The following CNEP1R1 variants were observed in gnomAD, a reference collection of about 807,000 sequenced individuals.
CNEP1R1 encodes the protein CTD nuclear envelope phosphatase 1 regulatory subunit 1.
CNEP1R1 carries 10 observed loss-of-function variants against 22.7 expected under a neutral mutation model. The observed-to-expected ratio is 0.44, with a 90% CI of 0.27 to 0.75. The LOEUF is 0.75. Ranked by LOEUF, CNEP1R1 falls within the 30% of genes least tolerant of loss-of-function variation. The pLI is 0.17. For synonymous variants in CNEP1R1, 53 were observed against 50.1 expected (o/e 1.06, Z -0.25); for missense variants, 73 against 151.5 (o/e 0.48, Z 2.72).
intron 3 of CNEP1R1, among the ~76,000 whole-genome samples, chr16:50,032,664 G>A (rs893180986): frequency 1.3e-5 from 2 of 152,184 alleles, no homozygotes; most frequent in Non-Finnish European, 1.5e-5. Flanking sequence ...ACTGGGATCA[G>A]GTTATGAATG....
At chr16:50,026,698 G>A (rs2036186959) in intron 2 of CNEP1R1, 1 of 480,470 alleles carries the variant, frequency 2.1e-6, no homozygotes, top group South Asian at 2.4e-5. Context: ...TTTTTGGCCA[G>A]GCGCCGTAGC....
intron 2 of CNEP1R1, 46 bp from the exon 3 acceptor site, chr16:50,029,679 A>G (rs1451372446): frequency 7.1e-6 from 8 of 1,130,624 alleles, no homozygotes; most frequent in East Asian, 4.7e-5. Flanking sequence ...AGTATCACAT[A>G]TTAAGTATGT....
intron 1 of CNEP1R1, 192 bp downstream of exon 1, chr16:50,025,532 C>A (rs2036172895): frequency 1.8e-6 from 2 of 1,120,100 alleles, no homozygotes; most frequent in South Asian, 1.4e-5. Flanking sequence ...CTCCCTGAGT[C>A]CCCACAAACC....
rs780166468 is a variant in CNEP1R1 at position 50,035,808 on chromosome 16, T to G, written c.*350T>G. ...CAAACTACTGTAAATAGCAAATCAA[T>G]GCCAATGTTAAACAAAGAGGAAAAC... On this transcript the variant is annotated 3_prime_UTR_variant, in exon 6 of 6. Coordinates refer to ENST00000427478, the MANE Select transcript of CNEP1R1 (RefSeq NM_001281789.2). 2.5e-4 allele frequency: 47 copies of G among 187,908 alleles called. No homozygotes were observed. The highest frequency in any genetic ancestry group is 3.8e-4 in the Non-Finnish European group (35 of 91,326). The allele number at this position is 187,908 out of a possible 1,614,324, so 11.6% of individuals were successfully genotyped here. A position where few individuals can be genotyped will look rare whatever the true frequency, so the allele number is the denominator to read the frequency against.
At position 50,035,821 on chromosome 16, in the gene CNEP1R1, CAA is replaced by C. The variant is rs771672060; in HGVS notation, c.*365_*366del. On this transcript the variant is annotated 3_prime_UTR_variant, in exon 6 of 6. Coordinates refer to ENST00000427478, the MANE Select transcript of CNEP1R1 (RefSeq NM_001281789.2). ...ATAGCAAATCAATGCCAATGTTAAA[CAA>C]AGAGGAAAACGTTGTGTGGACTTTG... 2.3e-5 allele frequency: 4 copies of C among 175,564 alleles called. No homozygotes were observed. The highest frequency in any genetic ancestry group is 1.6e-4 in the East Asian group (1 of 6,394). The allele number at this position is 175,564 out of a possible 1,614,324, so 10.9% of individuals were successfully genotyped here. A position where few individuals can be genotyped will look rare whatever the true frequency, so the allele number is the denominator to read the frequency against.
chr16:50,029,780 A>C lies in CNEP1R1; in HGVS notation c.153A>C (p.Ile51=). The C allele has an allele frequency of 6.2e-7, 1 of 1,602,476 alleles. No homozygotes were observed. The highest frequency in any genetic ancestry group is 8.5e-7 in the Non-Finnish European group (1 of 1,170,062). ...CTATGAWNWL[I]DPETQKVSFF... ...CTACTGGTGCCTGGAACTGGTTAAT[A>C]GACCCTGAGACACAAAAGGTAGAAG... The change falls in exon 3 of 6, where the codon ATA becomes ATC. Residue 51 remains isoleucine, a synonymous_variant. Transcript: ENST00000427478.
chr16:50,026,494 G>C, intron 2 of CNEP1R1, 27 bp downstream of exon 2: 1 of 1,495,654 alleles, frequency 6.7e-7, no homozygotes, highest in South Asian at 1.2e-5. Flanking sequence ...TATTTTAAGG[G>C]AAAACTAACA....
At chr16:50,025,623 G>A (rs748478821) in intron 1 of CNEP1R1, 2 of 1,605,380 alleles carry the variant, frequency 1.2e-6, no homozygotes, top group Non-Finnish European at 1.7e-6. Flanking sequence ...ATTGCAGCCT[G>A]CTAATTCATT....
At chr16:50,026,005 C>A (rs2036179550) in intron 1 of CNEP1R1, among the ~76,000 whole-genome samples, 1 of 152,224 alleles carries the variant, frequency 6.6e-6, no homozygotes, top group South Asian at 2.1e-4. Context: ...ATGTTAGGCA[C>A]TACGTGGTTC....
At position 50,033,526 on chromosome 16, in the gene CNEP1R1, A is replaced by G. The variant is rs748365662; in HGVS notation, c.281+20A>G. Reference sequence around the variant, plus strand: ...ATCAATGTATCCTTTACCAAGGATTAAATTCCATTCTCTGAAGTGCTTTGT... The same window carrying G: ...ATCAATGTATCCTTTACCAAGGATTGAATTCCATTCTCTGAAGTGCTTTGT... On this transcript the variant is annotated intron_variant, in intron 4 of 5. Transcript: ENST00000427478. The G allele has an allele frequency of 7.8e-6, 10 of 1,289,006 alleles. No homozygotes were observed. Among genetic ancestry groups the G allele is most frequent in the Non-Finnish European group, 1.1e-5 (10 of 892,710 alleles). 79.8% of individuals were successfully genotyped at this position (1,289,006 alleles called of 1,614,324 possible). A position where few individuals can be genotyped will look rare whatever the true frequency, so the allele number is the denominator to read the frequency against.
rs569209008 is a variant in CNEP1R1 at position 50,026,377 on chromosome 16, T to C, written c.26-19T>C. ...CGAGTAAGAGTGGCTAATTAGAAAA[T>C]TGACATCTTTATACCTAGATCTCAA... is the stretch of plus-strand genomic sequence containing the variant. On this transcript the variant is annotated intron_variant, in intron 1 of 5. Coordinates refer to ENST00000427478, the MANE Select transcript of CNEP1R1 (RefSeq NM_001281789.2). 6 of 1,580,342 alleles carry C rather than the reference T, an allele frequency of 3.8e-6. No individual in the cohort carries two copies. The highest frequency in any genetic ancestry group is 2.3e-5 in the South Asian group (2 of 87,834).
chr16:50,035,457 G>T lies in CNEP1R1; in HGVS notation c.377G>T (p.Ter126LeuextTer33). Residue 126 changes from the stop codon to leucine, a stop_lost, in exon 6 of 6, where the codon TGA becomes TTA. Transcript: ENST00000427478. ...LILKPRPHVQ[*>L] ...TTGAAACCTAGGCCTCATGTTCAATGACAATCTTCACTCATTGTTATGGGA... is the reference window on the plus strand; with the variant it reads ...TTGAAACCTAGGCCTCATGTTCAATTACAATCTTCACTCATTGTTATGGGA... The T allele has an allele frequency of 6.3e-7, 1 of 1,580,062 alleles. No individual in the cohort carries two copies. Among genetic ancestry groups the T allele is most frequent in the South Asian group, 1.1e-5 (1 of 87,072 alleles).
intron 5 of CNEP1R1, 74 bp downstream of exon 5, chr16:50,034,230 C>T: frequency 2.3e-6 from 2 of 887,246 alleles, no homozygotes; most frequent in South Asian, 1.4e-5. Context: ...GAAAGGTAGA[C>T]ATTTTATTAG....
At position 50,033,578 on chromosome 16, in the gene CNEP1R1, C is replaced by T; in HGVS notation, c.281+72C>T. On this transcript the variant is annotated intron_variant, in intron 4 of 5. Coordinates refer to ENST00000427478, the MANE Select transcript of CNEP1R1 (RefSeq NM_001281789.2). ...GATCTAGGTAATGGTTAAAAGCTTA[C>T]TCTTGCCGGGCGTGGTGGCTCACGC... 8.5e-6 allele frequency: 7 copies of T among 823,838 alleles called. 1 individual carries two copies. The highest frequency in any genetic ancestry group is 1.6e-5 in the South Asian group (1 of 61,022). 51.0% of individuals were successfully genotyped at this position (823,838 alleles called of 1,614,324 possible). A position where few individuals can be genotyped will look rare whatever the true frequency, so the allele number is the denominator to read the frequency against.
At position 50,029,759 on chromosome 16, in the gene CNEP1R1, T is replaced by C. The variant is rs1470889455; in HGVS notation, c.132T>C (p.Thr44=). The C allele has an allele frequency of 1.4e-5, 22 of 1,611,414 alleles. No homozygotes were observed. The highest frequency in any genetic ancestry group is 1.9e-5 in the Non-Finnish European group (22 of 1,177,974). The change falls in exon 3 of 6, where the codon ACT becomes ACC. Residue 44 remains threonine (T), a synonymous_variant. Transcript: ENST00000427478. The part of the protein sequence containing the change: ...LLIVVSVCTA[T]GAWNWLIDPE... ...TAGTGGTATCTGTCTGTACAGCTACTGGTGCCTGGAACTGGTTAATAGACC... is the reference window on the plus strand; with the variant it reads ...TAGTGGTATCTGTCTGTACAGCTACCGGTGCCTGGAACTGGTTAATAGACC...
intron 3 of CNEP1R1, among the ~76,000 whole-genome samples, chr16:50,033,126 T>A (rs951006224): frequency 6.6e-6 from 1 of 152,154 alleles, no homozygotes; most frequent in African/African-American, 2.4e-5. Context: ...ATAGGGTTGT[T>A]TTTTGATTAT....
intron 2 of CNEP1R1, 39 bp from the exon 3 acceptor site, chr16:50,029,686 A>G (rs762216684): frequency 2.5e-6 from 3 of 1,182,460 alleles, no homozygotes; most frequent in Non-Finnish European, 2.5e-6. Context: ...CATATTAAGT[A>G]TGTATTTGCT....
chr16:50,031,080 C>T lies in CNEP1R1; in HGVS notation c.171+1282C>T, dbSNP rs538741881. Among the ~76,000 whole-genome samples, 308 of 152,254 alleles carry T rather than the reference C, an allele frequency of 2.0e-3. 2 individuals carry two copies. Among genetic ancestry groups the T allele is most frequent in the Non-Finnish European group, 3.7e-3 (254 of 68,020 alleles). On this transcript the variant is annotated intron_variant, in intron 3 of 5. Transcript: ENST00000427478. The stretch of plus-strand genomic sequence containing the variant: ...ATTTTTTAGTGAAGTTTCTTTCCCC[C>T]AGTGCAGTTTTATTTAGGGAGTAAT...
intron 3 of CNEP1R1, 90 bp from the exon 4 acceptor site, chr16:50,033,307 T>C (rs532649792): frequency 5.6e-6 from 3 of 533,744 alleles, no homozygotes; most frequent in Admixed American, 6.9e-5. Context: ...TGATAAAAAA[T>C]ATTATATATA....
Sources: allele counts gnomAD v4.1 joint callset (sites outside exome capture counted in the v4.1 genomes callset), GRCh38; gene constraint gnomAD v4.1.1; transcripts MANE v1.5; gene names NCBI Gene and HGNC (gene_info 2026-07-23, HGNC 2026-07-21).